Variants in FHOD1 observed in about 807,000 individuals in gnomAD.
The protein encoded by FHOD1 is FH1/FH2 domain-containing protein 1.
A neutral mutation model predicts 111.6 loss-of-function variants in FHOD1; 89 were observed. The ratio of observed to expected loss-of-function variants is 0.80; its 90% confidence interval spans 0.67 to 0.95. FHOD1 has a LOEUF of 0.95. Ranked by LOEUF, FHOD1 falls within the 40% of genes least tolerant of loss-of-function variation. The pLI is 0.00. For synonymous variants in FHOD1, 618 were observed against 639.0 expected (o/e 0.97, Z 0.50); for missense variants, 1,446 against 1,554.2 (o/e 0.93, Z 1.17).
intron 13 of FHOD1, among the ~76,000 whole-genome samples, chr16:67,232,895 T>C (rs2034332607): frequency 6.6e-6 from 1 of 151,960 alleles, no homozygotes; most frequent in African/African-American, 2.4e-5. Flanking sequence ...TAGCTGGTAT[T>C]GCAGGCATGA....
At position 67,237,705 on chromosome 16, in the gene FHOD1, T is replaced by C; in HGVS notation, c.706A>G (p.Asn236Asp). ...LLVFVEYSEN[N>D]APLFIRAVNS... ...ACTGCACGGATGAACAGCGGTGCGT[T>C]GTTTTCGGAGTATTCTACAAACACC... is the stretch of plus-strand genomic sequence containing the variant. Residue 236 changes from asparagine to aspartate, a missense_variant, in exon 7 of 22, where the codon AAC becomes GAC. Coordinates refer to ENST00000258201, the MANE Select transcript of FHOD1 (RefSeq NM_013241.3). The surrounding 1 kb of genome is among the most constrained non-coding windows in gnomAD (Gnocchi z 5.6). 1 of 1,614,192 alleles carries C rather than the reference T, an allele frequency of 6.2e-7. No individual in the cohort carries two copies. Among genetic ancestry groups the C allele is most frequent in the Non-Finnish European group, 8.5e-7 (1 of 1,180,040 alleles).
intron 13 of FHOD1, 90 bp downstream of exon 13, chr16:67,233,567 A>C: frequency 6.8e-7 from 1 of 1,462,750 alleles, no homozygotes; most frequent in Non-Finnish European, 9.1e-7. Flanking sequence ...CCCATGTGGG[A>C]AGTGAGTGAC....
Position 67,231,732 on chromosome 16 carries a change from C to T in FHOD1, c.2290G>A (p.Ala764Thr). 1 of 1,614,124 alleles carries T rather than the reference C, an allele frequency of 6.2e-7. No individual in the cohort carries two copies. Among genetic ancestry groups the T allele is most frequent in the Non-Finnish European group, 8.5e-7 (1 of 1,180,016 alleles). The stretch of plus-strand genomic sequence containing the variant: ...GCAAGAGTCATCAGGAAGTTCTCGG[C>T]TGGGCCCAGGGGTATGTCAGGGTTG... ...LANPDIPLGP[A>T]ENFLMTLASI... The change falls in exon 15 of 22, where the codon GCC becomes ACC. Residue 764 changes from alanine to threonine, a missense_variant. Ala to Thr is a moderately conservative substitution (Grantham distance 58). Coordinates refer to ENST00000258201, the MANE Select transcript of FHOD1 (RefSeq NM_013241.3). The surrounding 1 kb of genome is among the most constrained non-coding windows in gnomAD (Gnocchi z 4.3).
intron 1 of FHOD1, among the ~76,000 whole-genome samples, chr16:67,243,507 C>T (rs2034724899): frequency 6.6e-6 from 1 of 152,184 alleles, no homozygotes; most frequent in Admixed American, 6.5e-5. Context: ...AGCCACCATG[C>T]CCAGCCTGAG....
rs755804447 is a variant in FHOD1, at chr16:67,230,820, T to TCC, written c.2668-31_2668-30dup. ...AGAAAGCAAGGGGGTGCACATACTG[T>TCC]CCCCCCACACCCTGTAGACAAGACA... On this transcript the variant is annotated intron_variant, in intron 17 of 21. Transcript: ENST00000258201. The TCC allele has an allele frequency of 1.9e-6, 3 of 1,555,072 alleles. No homozygotes were observed. The African/African-American group carries it at 4.1e-5, about 21-fold the overall frequency.
Position 67,231,066 on chromosome 16 carries a change from C to T in FHOD1, c.2667+122G>A. 2 of 1,286,766 alleles carry T rather than the reference C, an allele frequency of 1.6e-6. No homozygotes were observed. Among genetic ancestry groups the T allele is most frequent in the Non-Finnish European group, 2.2e-6 (2 of 926,722 alleles). The allele number at this position is 1,286,766 out of a possible 1,614,324, so 79.7% of individuals were successfully genotyped here. A position where few individuals can be genotyped will look rare whatever the true frequency, so the allele number is the denominator to read the frequency against. On this transcript the variant is annotated intron_variant, in intron 17 of 21. Coordinates refer to ENST00000258201, the MANE Select transcript of FHOD1 (RefSeq NM_013241.3). This position sits in a 1 kb window ranked among gnomAD's most constrained non-coding sequence, Gnocchi z 4.3. ...TTCTGGCAGAGGGCATAGCTCACAC[C>T]CAGGTGGCTGGAGCAAGCCCTGGCA...
chr16:67,233,706 C>T lies in FHOD1; in HGVS notation c.1997G>A (p.Arg666Gln), dbSNP rs768842590. ...ACGAGACTCAAAGAGGTGTTCCAGTCGGGCCGTGTCCACTGAGACAGGGTC... is the reference window on the plus strand; with the variant it reads ...ACGAGACTCAAAGAGGTGTTCCAGTTGGGCCGTGTCCACTGAGACAGGGTC... ...SLDPVSVDTA[R>Q]LEHLFESRAK... is the part of the protein sequence containing the mutation. The change falls in exon 13 of 22, where the codon CGA becomes CAA. Residue 666 changes from arginine to glutamine, a missense_variant. Around this residue, in one of 3 missense-constraint regions of FHOD1, gnomAD observed 1,085 missense variants for 1,108.8 expected, o/e 0.98. Transcript: ENST00000258201. The T allele has an allele frequency of 3.2e-5, 52 of 1,609,992 alleles. No homozygotes were observed. The highest frequency in any genetic ancestry group is 4.1e-5 in the Non-Finnish European group (48 of 1,176,874).
Position 67,236,655 on chromosome 16 carries a change from A to G in FHOD1, c.1221T>C (p.Pro407=). 5.0e-6 allele frequency: 8 copies of G among 1,611,066 alleles called. No individual in the cohort carries two copies. The highest frequency in any genetic ancestry group is 6.8e-6 in the Non-Finnish European group (8 of 1,178,796). ...CTTGGAGACCGGAGGGAGGGCCCACAGGGCTGGAGGCGGGGCCTGTCAGCA... is the reference window on the plus strand; with the variant it reads ...CTTGGAGACCGGAGGGAGGGCCCACGGGGCTGGAGGCGGGGCCTGTCAGCA... The part of the protein sequence containing the change: ...PALLTGPASS[P]VGPPSGLQAS... Residue 407 remains proline, a synonymous_variant, in exon 11 of 22, where the codon CCT becomes CCC. Coordinates refer to ENST00000258201, the MANE Select transcript of FHOD1 (RefSeq NM_013241.3).
chr16:67,238,776 G>C lies in FHOD1; in HGVS notation c.373+127C>G. ...CCATGGCCCTGGAAGAAGAGGTCAG[G>C]ATAGGGAGAGGAAGGAGCACATACA... is the stretch of plus-strand genomic sequence containing the variant. On this transcript the variant is annotated intron_variant, in intron 3 of 21. Coordinates refer to ENST00000258201, the MANE Select transcript of FHOD1 (RefSeq NM_013241.3). The surrounding 1 kb of genome is among the most constrained non-coding windows in gnomAD (Gnocchi z 4.2). 1.1e-6 allele frequency: 1 copy of C among 892,002 alleles called. No individual in the cohort carries two copies. The allele number at this position is 892,002 out of a possible 1,614,324, so 55.3% of individuals were successfully genotyped here. A position where few individuals can be genotyped will look rare whatever the true frequency, so the allele number is the denominator to read the frequency against.
In FHOD1 at chr16:67,232,142, C is replaced by T. The variant is rs2034302500; in HGVS notation, c.2099G>A (p.Ser700Asn). 3 of 1,614,192 alleles carry T rather than the reference C, an allele frequency of 1.9e-6. No individual in the cohort carries two copies. The highest frequency in any genetic ancestry group is 1.3e-5 in the African/African-American group (1 of 75,038). Residue 700 changes from serine (S) to asparagine (N), a missense_variant, in exon 14 of 22, where the codon AGC (serine) becomes AAC (asparagine). Physicochemically the swap from Ser to Asn is conservative, Grantham distance 46. Around this residue, in one of 3 missense-constraint regions of FHOD1, gnomAD observed 1,085 missense variants for 1,108.8 expected, o/e 0.98. Coordinates refer to ENST00000258201, the MANE Select transcript of FHOD1 (RefSeq NM_013241.3). ...TMTTVLDPKR[S>N]NAINIGLTTL... is the part of the protein sequence containing the mutation. ...GGTTAGGCCGATGTTGATGGCGTTG[C>T]TGCGCTTGGGGTCCAGCACTGTGGT...
At chr16:67,240,661 C>T (rs548839936) in intron 1 of FHOD1, among the ~76,000 whole-genome samples, 6 of 152,388 alleles carry the variant, frequency 3.9e-5, no homozygotes, top group Admixed American at 6.5e-5. Flanking sequence ...TCTCCTCCCC[C>T]GCCACAAGGC....
At chr16:67,230,858 G>T in intron 17 of FHOD1, 67 bp from the exon 18 acceptor site, 1 of 1,493,434 alleles carries the variant, frequency 6.7e-7, no homozygotes, top group Non-Finnish European at 9.0e-7. Context: ...GCCCGAGGCT[G>T]CTTCTGGGCC....
At chr16:67,242,602 C>T (rs1047083799) in intron 1 of FHOD1, among the ~76,000 whole-genome samples, 4 of 152,244 alleles carry the variant, frequency 2.6e-5, no homozygotes, top group African/African-American at 9.6e-5. Context: ...AACCCTGGTC[C>T]TTGCTGACGG....
chr16:67,246,375 GA>G (rs1291073090), intron 1 of FHOD1, among the ~76,000 whole-genome samples: 1 of 152,212 alleles, frequency 6.6e-6, no homozygotes. Context: ...CAGCGCGCCG[GA>G]AAGGGCTGCC....
At position 67,233,809 on chromosome 16, in the gene FHOD1, G is replaced by T; in HGVS notation, c.1894C>A (p.Arg632Ser). 2 of 1,613,660 alleles carry T rather than the reference G, an allele frequency of 1.2e-6. No individual in the cohort carries two copies. The highest frequency in any genetic ancestry group is 2.2e-5 in the South Asian group (2 of 91,022). The part of the protein sequence containing the change: ...TKRKTVKLFW[R>S]ELKLAGGHGV... The stretch of plus-strand genomic sequence containing the variant: ...TGGCCCCCAGCCAGCTTCAGCTCAC[G>T]CCAGAAAAGTTTTACTGTCTTCCTC... Residue 632 changes from arginine to serine, a missense_variant, in exon 13 of 22, where the codon CGT (arginine) becomes AGT (serine). By Grantham distance (110) the Arg-to-Ser change is moderately radical (BLOSUM62 -1). This residue lies in a region of FHOD1 where 1,085 missense variants were observed against 1,108.8 expected (regional missense o/e 0.98). Coordinates refer to ENST00000258201, the MANE Select transcript of FHOD1 (RefSeq NM_013241.3).
chr16:67,231,626 G>A lies in FHOD1; in HGVS notation c.2385+11C>T, dbSNP rs1277735048. On this transcript the variant is annotated intron_variant, in intron 15 of 21. Coordinates refer to ENST00000258201, the MANE Select transcript of FHOD1 (RefSeq NM_013241.3). The surrounding 1 kb of genome is among the most constrained non-coding windows in gnomAD (Gnocchi z 4.3). ...GTCCCTACTGACTGTCCCACTCCAA[G>A]ACCCAGGTACCCGCTCCATGCTGTC... The A allele has an allele frequency of 6.2e-7, 1 of 1,614,086 alleles. No individual in the cohort carries two copies. Among genetic ancestry groups the A allele is most frequent in the Admixed American group, 1.7e-5 (1 of 60,016 alleles).
intron 1 of FHOD1, among the ~76,000 whole-genome samples, chr16:67,245,796 T>C (rs1009308126): frequency 6.6e-6 from 1 of 151,380 alleles, no homozygotes. Context: ...AATCCTTGAG[T>C]TGCAGGATGA....
chr16:67,236,099 G>A (rs2034465325), intron 11 of FHOD1: 1 of 917,862 alleles, frequency 1.1e-6, no homozygotes, highest in African/African-American at 1.8e-5. Context: ...GGAAGAGATG[G>A]TAACTGTGGT....
intron 1 of FHOD1, among the ~76,000 whole-genome samples, chr16:67,245,274 G>A (rs1004308858): frequency 6.6e-6 from 1 of 152,168 alleles, no homozygotes; most frequent in Non-Finnish European, 1.5e-5. Flanking sequence ...TTGGGGATGA[G>A]GAACTTATAT....
Sources: allele counts gnomAD v4.1 joint callset (sites outside exome capture counted in the v4.1 genomes callset), GRCh38; gene constraint gnomAD v4.1.1; regional missense constraint gnomAD v4.1.1; non-coding constraint Gnocchi (gnomAD v3.1); transcripts MANE v1.5; gene names NCBI Gene and HGNC (gene_info 2026-07-23, HGNC 2026-07-21).